CAMTA1: variants seen among roughly 807,000 people sequenced by gnomAD.
CAMTA1 encodes calmodulin binding transcription activator 1, also known as calmodulin-binding transcription activator 1.
In CAMTA1, 27 loss-of-function variants were observed where a neutral mutation model predicts 170.9. The ratio of observed to expected loss-of-function variants is 0.16; its 90% CI spans 0.12 to 0.22. CAMTA1 has a LOEUF of 0.22. Among genes scored for constraint, CAMTA1 ranks in the 10% least tolerant of loss-of-function variants. The probability of loss-of-function intolerance (pLI) is 1.00; values close to 1 mark genes in which losing one functional copy is unlikely to be tolerated. For missense variants in CAMTA1, 1,619 were observed against 2,217.2 expected, an observed-to-expected ratio of 0.73 and a Z score of 5.42; for synonymous variants, 833 against 891.5, an observed-to-expected ratio of 0.93 and a Z score of 1.17.
At chr1:7,339,833 G>A (rs916399615) in intron 5 of CAMTA1, among the ~76,000 whole-genome samples, 2 of 152,176 alleles carry the variant, frequency 1.3e-5, no homozygotes, top group African/African-American at 4.8e-5. Flanking sequence ...CTGACCTCAA[G>A]TGATTCACCC....
In CAMTA1 at chr1:7,751,906, G is replaced by A. The variant is rs116770533; in HGVS notation, c.4883+514G>A. ...TGAAACGTATATGATGCTACATTCC[G>A]ATTAGAGACAAGGCTATTCTTGACA... On this transcript the variant is annotated intron_variant, in intron 20 of 22. Coordinates refer to ENST00000303635, the MANE Select transcript of CAMTA1 (RefSeq NM_015215.4). Among the ~76,000 whole-genome samples the A allele has an allele frequency of 1.6e-3, 244 of 152,278 alleles. 2 individuals are homozygous for A. Among genetic ancestry groups the A allele is most frequent in the African/African-American group, 5.3e-3 (219 of 41,536 alleles).
intron 5 of CAMTA1, among the ~76,000 whole-genome samples, chr1:7,307,762 C>T (rs982409043): frequency 6.6e-6 from 1 of 151,716 alleles, no homozygotes; most frequent in Non-Finnish European, 1.5e-5. Context: ...TTCTAATATT[C>T]TGTTGGTGAT....
At chr1:6,810,759 G>A (rs1317661259) in intron 1 of CAMTA1, among the ~76,000 whole-genome samples, 2 of 152,082 alleles carry the variant, frequency 1.3e-5, no homozygotes, top group African/African-American at 4.8e-5. Context: ...AGCTGAGATC[G>A]TGCCACTGTA....
chr1:7,745,165 C>A (rs1368662847), intron 17 of CAMTA1, 143 bp downstream of exon 17: 3 of 744,226 alleles, frequency 4.0e-6, no homozygotes, highest in East Asian at 5.4e-5. Flanking sequence ...AGCTCTGTTG[C>A]CACTTTCAAG....
chr1:6,810,900 G>A (rs905611860), intron 1 of CAMTA1, among the ~76,000 whole-genome samples: 2 of 152,172 alleles, frequency 1.3e-5, no homozygotes, highest in Non-Finnish European at 2.9e-5. Context: ...GGATTAGAAG[G>A]CATTATAACA....
At position 7,246,305 on chromosome 1, in the gene CAMTA1, G is replaced by A. The variant is rs80155358; in HGVS notation, c.303-3186G>A. ...AAGGATGCCAATAATATGGATCATA[G>A]TTAAGGGTTATAGGTATAAGTACGG... On this transcript the variant is annotated intron_variant, in intron 4 of 22. Coordinates refer to ENST00000303635, the MANE Select transcript of CAMTA1 (RefSeq NM_015215.4). Among the ~76,000 whole-genome samples the A allele has an allele frequency of 3.6e-3, 546 of 152,366 alleles. 3 individuals carry two copies. The highest frequency in any genetic ancestry group is 0.012 in the African/African-American group (510 of 41,578).
At chr1:7,155,173 G>A (rs1024047375) in intron 4 of CAMTA1, among the ~76,000 whole-genome samples, 1 of 152,170 alleles carries the variant, frequency 6.6e-6, no homozygotes, top group African/African-American at 2.4e-5. Flanking sequence ...GGGTGTGGGG[G>A]GCTGTGGGCC....
At chr1:7,612,825 A>T (rs569670459) in intron 6 of CAMTA1, among the ~76,000 whole-genome samples, 18 of 152,354 alleles carry the variant, frequency 1.2e-4, no homozygotes, top group African/African-American at 4.3e-4. Flanking sequence ...TTGCAGGTTA[A>T]GAGGGCATTT....
chr1:6,868,167 A>G (rs1293577332), intron 3 of CAMTA1, among the ~76,000 whole-genome samples: 3 of 151,718 alleles, frequency 2.0e-5, no homozygotes, highest in African/African-American at 4.8e-5. Flanking sequence ...TGCTGCAGAA[A>G]GCATTATATA....
At chr1:7,034,308 C>T (rs886687324) in intron 3 of CAMTA1, among the ~76,000 whole-genome samples, 1 of 152,168 alleles carries the variant, frequency 6.6e-6, no homozygotes, top group African/African-American at 2.4e-5. Context: ...AGGTGCCCAC[C>T]ACCACAGCCA....
At position 7,446,798 on chromosome 1, in the gene CAMTA1, G is replaced by C. The variant is rs377716604; in HGVS notation, c.439-21032G>C. Among the ~76,000 whole-genome samples, 9 of 152,308 alleles carry C rather than the reference G, an allele frequency of 5.9e-5. No individual in the cohort carries two copies. In the East Asian group the frequency reaches 1.7e-3, roughly 29 times the overall value. ...TGGAAACCCTTGACATCCCTTCCCC[G>C]GGGCTGTGGAGGGGAGGGGTGCTCC... On this transcript the variant is annotated intron_variant, in intron 5 of 22. Coordinates refer to ENST00000303635, the MANE Select transcript of CAMTA1 (RefSeq NM_015215.4).
intron 6 of CAMTA1, among the ~76,000 whole-genome samples, chr1:7,497,752 G>A (rs2093853849): frequency 6.6e-6 from 1 of 152,196 alleles, no homozygotes; most frequent in East Asian, 1.9e-4. Context: ...CAGCCATGAC[G>A]GCAGGAGAGA....
chr1:7,037,562 G>A (rs577897978), intron 3 of CAMTA1, among the ~76,000 whole-genome samples: 5 of 152,274 alleles, frequency 3.3e-5, no homozygotes, highest in Admixed American at 6.5e-5. Flanking sequence ...AAAACAGGCC[G>A]GGCGCGGTGG....
intron 5 of CAMTA1, among the ~76,000 whole-genome samples, chr1:7,430,512 A>G (rs939999913): frequency 1.3e-5 from 2 of 151,548 alleles, no homozygotes; most frequent in African/African-American, 2.4e-5. Flanking sequence ...GGTGATGATG[A>G]TGGTGGTGAA....
chr1:6,884,070 T>G (rs996639000), intron 3 of CAMTA1, among the ~76,000 whole-genome samples: 8 of 151,868 alleles, frequency 5.3e-5, no homozygotes, highest in Admixed American at 3.3e-4. Context: ...GGTCATGGAG[T>G]GTAGTCCAGG....
intron 5 of CAMTA1, among the ~76,000 whole-genome samples, chr1:7,310,667 C>CTTT (rs1676454654): frequency 6.9e-5 from 2 of 28,908 alleles, no homozygotes; most frequent in African/African-American, 3.8e-4. Context: ...TTCTTTCTTT[C>CTTT]TTTCCTTTCT....
intron 6 of CAMTA1, among the ~76,000 whole-genome samples, chr1:7,492,683 A>T (rs964282334): frequency 1.7e-4 from 25 of 149,392 alleles, no homozygotes; most frequent in African/African-American, 6.1e-4. Context: ...ACACACACAA[A>T]CACAAACCTA....
chr1:7,380,296 C>T (rs747853381), intron 5 of CAMTA1, among the ~76,000 whole-genome samples: 7 of 152,088 alleles, frequency 4.6e-5, no homozygotes, highest in African/African-American at 7.2e-5. Flanking sequence ...CAGTTAAGTC[C>T]GGGTCCGGTG....
chr1:6,811,959 T>C (rs1645216480), intron 1 of CAMTA1, among the ~76,000 whole-genome samples: 1 of 152,210 alleles, frequency 6.6e-6, no homozygotes, highest in Non-Finnish European at 1.5e-5. Context: ...CTGTGGTTCA[T>C]GGACCAAAAA....
Sources: allele counts gnomAD v4.1 joint callset (sites outside exome capture counted in the v4.1 genomes callset), GRCh38; gene constraint gnomAD v4.1.1; transcripts MANE v1.5; gene names NCBI Gene and HGNC (gene_info 2026-07-23, HGNC 2026-07-21).